Variants in CLSTN2 observed in about 807,000 individuals in gnomAD.
CLSTN2 encodes calsyntenin 2, also known as calsyntenin-2.
A neutral mutation model predicts 101.2 loss-of-function variants in CLSTN2; 48 were observed. That is an observed-to-expected ratio of 0.47 (90% CI 0.38 to 0.60). The LOEUF (loss-of-function observed/expected upper bound fraction) is 0.60, where lower values mean the gene tolerates loss of function less well. CLSTN2 is among the 20% of genes least tolerant of loss of function. The probability of loss-of-function intolerance (pLI) is 0.00; values close to 1 mark genes in which losing one functional copy is unlikely to be tolerated. For synonymous variants in CLSTN2, 481 were observed against 463.6 expected (o/e 1.04, Z -0.48); for missense variants, 1,160 against 1,238.2 (o/e 0.94, Z 0.95).
intron 2 of CLSTN2, among the ~76,000 whole-genome samples, chr3:140,341,275 C>A (rs576453587): frequency 5.0e-4 from 76 of 152,276 alleles, no homozygotes; most frequent in African/African-American, 1.6e-3. Context: ...TTTGTCTTGG[C>A]ATGGTTTTCA....
chr3:140,015,745 A>G (rs1032520575), intron 1 of CLSTN2, among the ~76,000 whole-genome samples: 1 of 152,226 alleles, frequency 6.6e-6, no homozygotes, highest in Non-Finnish European at 1.5e-5. Flanking sequence ...GGGCCCGATG[A>G]TCAGGCCTGT....
Position 140,113,277 on chromosome 3 carries a change from C to T in CLSTN2, c.110-62674C>T, listed in dbSNP as rs546731832. 3.7e-4 allele frequency among the ~76,000 whole-genome samples: 57 copies of T among 152,304 alleles called. 1 individual carries two copies. Among genetic ancestry groups the T allele is most frequent in the African/African-American group, 1.3e-3 (55 of 41,558 alleles). On this transcript the variant is annotated intron_variant, in intron 1 of 16. Transcript: ENST00000458420. ...CAAATTCTGAACATCCAGCAGCAAC[C>T]CAGGCTGTGCTCCCCAAAGGTCTGC...
intron 8 of CLSTN2, chr3:140,505,887 A>G (rs1934676046): frequency 1.3e-5 from 2 of 152,200 alleles, no homozygotes; most frequent in Admixed American, 1.3e-4. Context: ...TGTTTAATAC[A>G]CTGGAGTCCT....
At chr3:140,117,747 G>A (rs1002655183) in intron 1 of CLSTN2, among the ~76,000 whole-genome samples, 1 of 152,200 alleles carries the variant, frequency 6.6e-6, no homozygotes. Flanking sequence ...GACAGCAGGG[G>A]CAGATGCAGT....
chr3:140,252,338 G>A (rs1449992424), intron 2 of CLSTN2, among the ~76,000 whole-genome samples: 1 of 152,150 alleles, frequency 6.6e-6, no homozygotes, highest in African/African-American at 2.4e-5. Context: ...CTCGCTGAGG[G>A]TCCTGAACTA....
In CLSTN2 at chr3:140,570,165, T is replaced by C. The variant is rs755713302; in HGVS notation, c.*3912T>C. On this transcript the variant is annotated 3_prime_UTR_variant, in exon 17 of 17. Transcript: ENST00000458420. ...AGCAAACTATCTGTAAAGAGGCAAATAGTAAATATTTTGGGCTTTGTGAGC... is the reference window on the plus strand; with the variant it reads ...AGCAAACTATCTGTAAAGAGGCAAACAGTAAATATTTTGGGCTTTGTGAGC... The C allele has an allele frequency of 6.6e-6, 1 of 152,108 alleles. No homozygotes were observed. The highest frequency in any genetic ancestry group is 6.5e-5 in the Admixed American group (1 of 15,274). 9.4% of individuals were successfully genotyped at this position (152,108 alleles called of 1,614,324 possible). A position where few individuals can be genotyped will look rare whatever the true frequency, so the allele number is the denominator to read the frequency against.
intron 2 of CLSTN2, among the ~76,000 whole-genome samples, chr3:140,201,802 A>G (rs1431651988): frequency 6.6e-6 from 1 of 151,822 alleles, no homozygotes; most frequent in Non-Finnish European, 1.5e-5. Flanking sequence ...ACGCACACAC[A>G]CATGTATATG....
intron 1 of CLSTN2, among the ~76,000 whole-genome samples, chr3:140,133,232 A>C (rs2009549252): frequency 6.6e-6 from 1 of 152,068 alleles, no homozygotes; most frequent in Non-Finnish European, 1.5e-5. Context: ...CAGAGCTAGA[A>C]CTCACTCATT....
At chr3:140,110,014 A>G (rs2009127836) in intron 1 of CLSTN2, among the ~76,000 whole-genome samples, 1 of 152,132 alleles carries the variant, frequency 6.6e-6, no homozygotes, top group Non-Finnish European at 1.5e-5. Flanking sequence ...AGGACCATAA[A>G]TCTCAGAATC....
At chr3:140,281,475 A>G (rs923879234) in intron 2 of CLSTN2, among the ~76,000 whole-genome samples, 1 of 152,182 alleles carries the variant, frequency 6.6e-6, no homozygotes, top group Admixed American at 6.5e-5. Context: ...GTGGAGCAGG[A>G]CTGAGTTCCG....
intron 2 of CLSTN2, among the ~76,000 whole-genome samples, chr3:140,323,820 A>G (rs1179479940): frequency 1.3e-5 from 2 of 152,244 alleles, no homozygotes; most frequent in Non-Finnish European, 2.9e-5. Context: ...TGTAGGACAG[A>G]TAAGCAGCTT....
rs1401462069 is a variant in CLSTN2 at position 140,240,170 on chromosome 3, CTCTCTATATA to C, written c.232+64099_232+64108del. ...TCTCTCTGTCTCTCTCTCTCTCTCT[CTCTCTATATA>C]TATATATATATATATATATACACAC... On this transcript the variant is annotated intron_variant, in intron 2 of 16. Coordinates refer to ENST00000458420, the MANE Select transcript of CLSTN2 (RefSeq NM_022131.3). 3.0e-3 allele frequency among the ~76,000 whole-genome samples: 48 copies of C among 16,034 alleles called. 1 individual carries two copies. The highest frequency in any genetic ancestry group is 0.013 in the East Asian group (1 of 80). The allele number at this position is 16,034 out of a possible 152,430, so 10.5% of individuals were successfully genotyped here.
intron 1 of CLSTN2, among the ~76,000 whole-genome samples, chr3:139,955,859 G>A (rs940599661): frequency 6.6e-6 from 1 of 152,192 alleles, no homozygotes; most frequent in Admixed American, 6.5e-5. Flanking sequence ...TGCATGGAGG[G>A]AGCTCTGGAG....
chr3:140,524,467 T>C (rs774899414), intron 8 of CLSTN2, among the ~76,000 whole-genome samples: 21 of 152,190 alleles, frequency 1.4e-4, no homozygotes, highest in Non-Finnish European at 2.8e-4. Flanking sequence ...AGTTAAGATA[T>C]CACGTCATTT....
At chr3:140,449,433 A>C (rs1413627633) in intron 6 of CLSTN2, 1 of 152,238 alleles carries the variant, frequency 6.6e-6, no homozygotes, top group East Asian at 1.9e-4. Flanking sequence ...GCTCACAATC[A>C]ACTTCTCAAC....
chr3:140,306,078 A>G (rs1310800976), intron 2 of CLSTN2, among the ~76,000 whole-genome samples: 34 of 152,168 alleles, frequency 2.2e-4, no homozygotes, highest in Admixed American at 1.9e-3. Context: ...ATAGAAATGT[A>G]TCTCCCTTTC....
Position 140,063,832 on chromosome 3 carries a change from G to A in CLSTN2, c.110-112119G>A, listed in dbSNP as rs188283195. Reference sequence around the variant, plus strand: ...CCTCAGTTGATTTATCTGTGAAGGGGACTAATAACTACTTCATAGGATTAA... The same window carrying A: ...CCTCAGTTGATTTATCTGTGAAGGGAACTAATAACTACTTCATAGGATTAA... On this transcript the variant is annotated intron_variant, in intron 1 of 16. Transcript: ENST00000458420. Among the ~76,000 whole-genome samples the A allele has an allele frequency of 3.4e-3, 515 of 152,154 alleles. 3 individuals are homozygous for A. Among genetic ancestry groups the A allele is most frequent in the Middle Eastern group, 0.01 (3 of 294 alleles).
At chr3:140,359,882 G>A (rs2087708811) in intron 2 of CLSTN2, among the ~76,000 whole-genome samples, 1 of 151,988 alleles carries the variant, frequency 6.6e-6, no homozygotes, top group Non-Finnish European at 1.5e-5. Context: ...TCTGTGGGTG[G>A]TGGAAGCTCA....
At chr3:140,162,133 C>T (rs1459643043) in intron 1 of CLSTN2, among the ~76,000 whole-genome samples, 1 of 152,066 alleles carries the variant, frequency 6.6e-6, no homozygotes, top group Non-Finnish European at 1.5e-5. Context: ...GAAAACTGCT[C>T]TAGAGAGAAT....
Sources: allele counts gnomAD v4.1 joint callset (sites outside exome capture counted in the v4.1 genomes callset), GRCh38; gene constraint gnomAD v4.1.1; transcripts MANE v1.5; gene names NCBI Gene and HGNC (gene_info 2026-07-23, HGNC 2026-07-21).